The following RPS6KA2 variants were observed in gnomAD, a reference collection of about 807,000 sequenced individuals.
RPS6KA2 encodes ribosomal protein S6 kinase alpha-2.
Under a neutral mutation model 91.8 loss-of-function variants are expected in RPS6KA2, and 42 were observed. The ratio of observed to expected loss-of-function variants is 0.46; its 90% CI spans 0.36 to 0.59. The LOEUF is 0.59. Ranked by LOEUF, RPS6KA2 falls within the 20% of genes least tolerant of loss-of-function variation. The probability of loss-of-function intolerance (pLI) is 0.00; values close to 1 mark genes in which losing one functional copy is unlikely to be tolerated. For missense variants in RPS6KA2, 798 were observed against 978.5 expected (o/e 0.82, Z 2.46); for synonymous variants, 414 against 393.6 (o/e 1.05, Z -0.61).
intron 2 of RPS6KA2, among the ~76,000 whole-genome samples, chr6:166,835,675 T>C (rs1049690256): frequency 6.6e-6 from 1 of 152,250 alleles, no homozygotes; most frequent in African/African-American, 2.4e-5. Context: ...AGGTAAATAG[T>C]AATGTTGTAT....
intron 2 of RPS6KA2, among the ~76,000 whole-genome samples, chr6:166,798,162 A>G (rs1410426997): frequency 3.3e-5 from 5 of 152,230 alleles, no homozygotes; most frequent in Non-Finnish European, 7.3e-5. Flanking sequence ...AATTAAAACC[A>G]ACTGTAGCTA....
At position 166,721,985 on chromosome 6, in the gene RPS6KA2, C is replaced by T. The variant is rs192949034; in HGVS notation, c.123+136215G>A. Among the ~76,000 whole-genome samples the T allele has an allele frequency of 2.7e-3, 412 of 152,288 alleles. 3 individuals carry two copies. Among genetic ancestry groups the T allele is most frequent in the African/African-American group, 9.5e-3 (395 of 41,554 alleles). Reference sequence around the variant, plus strand: ...TAGGTACACATTTCACACATATAGACTCATTAAAATAGTCCACTTTATTTG... The same window carrying T: ...TAGGTACACATTTCACACATATAGATTCATTAAAATAGTCCACTTTATTTG... On this transcript the variant is annotated intron_variant, in intron 2 of 21. Transcript: ENST00000503859.
intron 2 of RPS6KA2, among the ~76,000 whole-genome samples, chr6:166,536,578 T>C (rs773376812): frequency 6.6e-6 from 1 of 152,202 alleles, no homozygotes; most frequent in Non-Finnish European, 1.5e-5. Context: ...TTGAGAATAG[T>C]ATCTCTTCTT....
At position 166,626,183 on chromosome 6, in the gene RPS6KA2, A is replaced by G. The variant is rs1786866011; in HGVS notation, c.99+738T>C. On this transcript the variant is annotated intron_variant, in intron 1 of 20. Transcript: ENST00000265678. This position sits in a 1 kb window ranked among gnomAD's most constrained non-coding sequence, Gnocchi z 4.1. ...TGATTTGGACACTGGGAATAAGAGA[A>G]TAAGATTTGATGGTTGAAATAAAAC... is the stretch of plus-strand genomic sequence containing the variant. Among the ~76,000 whole-genome samples, 1 of 152,228 alleles carries G rather than the reference A, an allele frequency of 6.6e-6. No homozygotes were observed. Among genetic ancestry groups the G allele is most frequent in the African/African-American group, 2.4e-5 (1 of 41,452 alleles).
chr6:166,580,019 C>T (rs3778390), intron 1 of RPS6KA2, among the ~76,000 whole-genome samples: 50,022 of 151,874 alleles, frequency 0.33, 8,419 homozygotes, highest in East Asian at 0.51. Flanking sequence ...CAGCATTGAA[C>T]ATGCTTAAAG....
At chr6:166,764,703 T>A (rs1412333979) in intron 2 of RPS6KA2, among the ~76,000 whole-genome samples, 1 of 152,110 alleles carries the variant, frequency 6.6e-6, no homozygotes, top group African/African-American at 2.4e-5. Flanking sequence ...ACAAGGAGCC[T>A]GCAGCCATGA....
intron 1 of RPS6KA2, among the ~76,000 whole-genome samples, chr6:166,539,776 T>A (rs1783596275): frequency 6.6e-6 from 1 of 152,198 alleles, no homozygotes; most frequent in South Asian, 2.1e-4. Flanking sequence ...GCCCTGGAAA[T>A]GGAACACTGG....
intron 2 of RPS6KA2, among the ~76,000 whole-genome samples, chr6:166,801,051 G>A (rs1342626788): frequency 6.6e-6 from 1 of 152,180 alleles, no homozygotes; most frequent in East Asian, 1.9e-4. Flanking sequence ...ATGGAAATAA[G>A]AAGACAAAGA....
chr6:166,617,427 G>T (rs907934832), intron 1 of RPS6KA2, among the ~76,000 whole-genome samples: 1 of 152,144 alleles, frequency 6.6e-6, no homozygotes, highest in African/African-American at 2.4e-5. Flanking sequence ...GATAACACTA[G>T]ATCAGCTATA....
At chr6:166,605,220 C>T (rs556200533) in intron 1 of RPS6KA2, among the ~76,000 whole-genome samples, 27 of 152,324 alleles carry the variant, frequency 1.8e-4, no homozygotes, top group African/African-American at 2.6e-4. Context: ...ATTTTATCAA[C>T]GACATTCTAC....
intron 1 of RPS6KA2, among the ~76,000 whole-genome samples, chr6:166,584,384 G>A (rs925054634): frequency 6.6e-6 from 1 of 152,204 alleles, no homozygotes; most frequent in African/African-American, 2.4e-5. Flanking sequence ...CACACTGGGG[G>A]TTGGAGCTTC....
intron 2 of RPS6KA2, among the ~76,000 whole-genome samples, chr6:166,681,104 G>A (rs1225773266): frequency 6.6e-6 from 1 of 152,320 alleles, no homozygotes; most frequent in South Asian, 2.1e-4. Context: ...ATTGGAGAAG[G>A]TGGAAAGGGC....
At chr6:166,679,200 TC>T (rs1788709221) in intron 2 of RPS6KA2, among the ~76,000 whole-genome samples, 1 of 151,840 alleles carries the variant, frequency 6.6e-6, no homozygotes, top group Admixed American at 6.6e-5. Flanking sequence ...ATGCCTATAA[TC>T]CCAGCACTTT....
chr6:166,505,702 G>A (rs539781885), intron 5 of RPS6KA2, among the ~76,000 whole-genome samples: 4 of 152,324 alleles, frequency 2.6e-5, no homozygotes, highest in East Asian at 3.9e-4. Flanking sequence ...GGCTGGACAC[G>A]CAGGCTCTGC....
intron 2 of RPS6KA2, among the ~76,000 whole-genome samples, chr6:166,827,148 T>C (rs889944621): frequency 2.0e-5 from 3 of 149,024 alleles, no homozygotes; most frequent in Non-Finnish European, 2.9e-5. Flanking sequence ...CCTTGACAAA[T>C]AGAGCTGGGG....
chr6:166,451,193 C>T lies in RPS6KA2; in HGVS notation c.1116G>A (p.Leu372=), dbSNP rs753642764. 8 of 1,614,098 alleles carry T rather than the reference C, an allele frequency of 5.0e-6. No homozygotes were observed. The highest frequency in any genetic ancestry group is 6.8e-6 in the Non-Finnish European group (8 of 1,180,002). The change falls in exon 13 of 21, where the codon CTG becomes CTA. Residue 372 remains leucine (L), a synonymous_variant. Transcript: ENST00000265678. ...GVPPSANAHH[L]FRGFSFVASS... ...AGGCCACAAAGCTGAATCCTCTAAA[C>T]AGGTGATGAGCGTTTGCACTCGGGG...
chr6:166,680,723 T>C (rs1788775228), intron 2 of RPS6KA2, among the ~76,000 whole-genome samples: 1 of 152,198 alleles, frequency 6.6e-6, no homozygotes. Flanking sequence ...ATTCTGGACA[T>C]ATCTGAACAT....
chr6:166,815,277 T>C (rs1426063656), intron 2 of RPS6KA2, among the ~76,000 whole-genome samples: 2 of 152,170 alleles, frequency 1.3e-5, no homozygotes, highest in Non-Finnish European at 2.9e-5. Flanking sequence ...CTTTACAAAG[T>C]TGTATAACAG....
rs1781739794 is a variant in RPS6KA2 at position 166,495,070 on chromosome 6, T to A, written c.747+3438A>T. 6.6e-6 allele frequency among the ~76,000 whole-genome samples: 1 copy of A among 152,194 alleles called. No homozygotes were observed. The highest frequency in any genetic ancestry group is 2.4e-5 in the African/African-American group (1 of 41,454). On this transcript the variant is annotated intron_variant, in intron 8 of 20. Transcript: ENST00000265678. This position sits in a 1 kb window ranked among gnomAD's most constrained non-coding sequence, Gnocchi z 4.4. ...AAGACCTTTGCCTGTGTGCAGCCAG[T>A]CACCACGTGGGCGGGCGGCACTAAA... is the stretch of plus-strand genomic sequence containing the variant.
Sources: allele counts gnomAD v4.1 joint callset (sites outside exome capture counted in the v4.1 genomes callset), GRCh38; gene constraint gnomAD v4.1.1; non-coding constraint Gnocchi (gnomAD v3.1); transcripts MANE v1.5; gene names NCBI Gene and HGNC (gene_info 2026-07-23, HGNC 2026-07-21).